The following TMTC2 variants were observed in gnomAD, a reference collection of about 807,000 sequenced individuals.
The protein encoded by TMTC2 is transmembrane O-mannosyltransferase targeting cadherins 2.
A neutral mutation model predicts 82.4 loss-of-function variants in TMTC2; 43 were observed. The observed-to-expected ratio is 0.52, with a 90% CI of 0.41 to 0.67. The LOEUF is 0.67. Ranked by LOEUF, TMTC2 falls within the 30% of genes least tolerant of loss-of-function variation. The pLI is 0.00. For synonymous variants in TMTC2, 408 were observed against 381.9 expected, an observed-to-expected ratio of 1.07 and a Z score of -0.80; for missense variants, 919 against 1,012.4, an observed-to-expected ratio of 0.91 and a Z score of 1.25.
chr12:83,025,911 C>T (rs1339803952), intron 8 of TMTC2, among the ~76,000 whole-genome samples: 1 of 152,128 alleles, frequency 6.6e-6, no homozygotes, highest in African/African-American at 2.4e-5. Context: ...GAACTTCTGC[C>T]CTGCTGGAAT....
chr12:82,761,290 T>A (rs1000468484), intron 1 of TMTC2, among the ~76,000 whole-genome samples: 1 of 152,250 alleles, frequency 6.6e-6, no homozygotes, highest in African/African-American at 2.4e-5. Context: ...TAACATGCGT[T>A]ATTACCATTC....
intron 3 of TMTC2, among the ~76,000 whole-genome samples, chr12:82,926,830 C>T (rs149909608): frequency 0.021 from 3,257 of 152,212 alleles, 57 homozygotes; most frequent in Non-Finnish European, 0.032. Context: ...ACTGGATTTC[C>T]GAGATGACAA....
chr12:83,005,085 T>A (rs1880118417), intron 8 of TMTC2, among the ~76,000 whole-genome samples: 1 of 151,696 alleles, frequency 6.6e-6, no homozygotes, highest in Non-Finnish European at 1.5e-5. Flanking sequence ...GCGCCTGTAA[T>A]CCCAGCTACT....
chr12:83,034,605 A>T (rs965019310), intron 9 of TMTC2, among the ~76,000 whole-genome samples: 3 of 152,244 alleles, frequency 2.0e-5, no homozygotes, highest in African/African-American at 4.8e-5. Flanking sequence ...TCAAGAGATG[A>T]TGGTGGTTTG....
At chr12:82,754,096 T>C (rs991198129) in intron 1 of TMTC2, among the ~76,000 whole-genome samples, 3 of 152,338 alleles carry the variant, frequency 2.0e-5, no homozygotes, top group East Asian at 1.9e-4. Flanking sequence ...AGAAATGATA[T>C]CTACTAACAT....
At chr12:82,775,463 G>A (rs973680887) in intron 1 of TMTC2, among the ~76,000 whole-genome samples, 2 of 151,692 alleles carry the variant, frequency 1.3e-5, no homozygotes, top group Middle Eastern at 3.2e-3. Context: ...GGGGGCGGGC[G>A]GGGAGAGAAA....
intron 3 of TMTC2, among the ~76,000 whole-genome samples, chr12:82,912,939 G>GAAAAA (rs71068957): frequency 7.9e-6 from 1 of 126,922 alleles, no homozygotes; most frequent in Non-Finnish European, 1.6e-5. Flanking sequence ...GACCTTGTCT[G>GAAAAA]AAAAAAAAAA....
chr12:83,038,262 A>G (rs2137435165), intron 9 of TMTC2, among the ~76,000 whole-genome samples: 1 of 152,176 alleles, frequency 6.6e-6, no homozygotes, highest in East Asian at 1.9e-4. Context: ...CGTTGTGCAC[A>G]TGTACCCTAA....
chr12:83,127,509 G>A (rs923136906), intron 11 of TMTC2, among the ~76,000 whole-genome samples: 3 of 151,842 alleles, frequency 2.0e-5, no homozygotes, highest in Non-Finnish European at 2.9e-5. Flanking sequence ...TCAACCAAAC[G>A]CTTTTCTCTT....
At chr12:83,047,585 A>G (rs988970055) in intron 9 of TMTC2, among the ~76,000 whole-genome samples, 2 of 152,152 alleles carry the variant, frequency 1.3e-5, no homozygotes, top group African/African-American at 4.8e-5. Context: ...TGGCCTGTTG[A>G]GAAGAGAATA....
At chr12:83,058,122 A>G (rs965580198) in intron 10 of TMTC2, among the ~76,000 whole-genome samples, 1 of 151,846 alleles carries the variant, frequency 6.6e-6, no homozygotes, top group South Asian at 2.1e-4. Flanking sequence ...CTTTTCTAAA[A>G]TAACACCAGG....
chr12:82,971,947 G>T (rs891621119), intron 7 of TMTC2, among the ~76,000 whole-genome samples: 1 of 152,088 alleles, frequency 6.6e-6, no homozygotes, highest in African/African-American at 2.4e-5. Context: ...GCTCTTTAGG[G>T]CCTCTCTGTA....
chr12:82,855,811 G>T (rs1005532005), intron 1 of TMTC2, among the ~76,000 whole-genome samples: 5 of 152,148 alleles, frequency 3.3e-5, no homozygotes, highest in Non-Finnish European at 7.3e-5. Flanking sequence ...TTTATTCTGA[G>T]CCATAGTTAG....
chr12:83,107,780 G>A (rs985514645), intron 11 of TMTC2, among the ~76,000 whole-genome samples: 1 of 148,820 alleles, frequency 6.7e-6, no homozygotes, highest in Non-Finnish European at 1.5e-5. Flanking sequence ...GACCCCCCGT[G>A]CCCACAAGAG....
chr12:82,813,291 C>T (rs952852009), intron 1 of TMTC2, among the ~76,000 whole-genome samples: 2 of 152,114 alleles, frequency 1.3e-5, no homozygotes, highest in Non-Finnish European at 2.9e-5. Flanking sequence ...TTTTGTCATA[C>T]TCAGTCAAAA....
At chr12:82,743,985 A>AG in intron 1 of TMTC2, among the ~76,000 whole-genome samples, 1 of 152,190 alleles carries the variant, frequency 6.6e-6, no homozygotes, top group Admixed American at 6.5e-5. Context: ...GTCAGAAAGG[A>AG]GGGGGGTGCT....
chr12:83,117,896 TTTTATTTATTTA>T (rs3069105), intron 11 of TMTC2, among the ~76,000 whole-genome samples: 22 of 148,976 alleles, frequency 1.5e-4, no homozygotes, highest in African/African-American at 4.2e-4. Context: ...TTCCTAAGTA[TTTTATTTATTTA>T]TTTATTTATT....
chr12:82,750,916 GA>G (rs918046673), intron 1 of TMTC2, among the ~76,000 whole-genome samples: 12 of 152,102 alleles, frequency 7.9e-5, no homozygotes, highest in African/African-American at 2.9e-4. Context: ...AAACTGTTAA[GA>G]AAAGTTAAAT....
At chr12:83,128,096 A>G (rs1440136165) in intron 11 of TMTC2, among the ~76,000 whole-genome samples, 1 of 152,126 alleles carries the variant, frequency 6.6e-6, no homozygotes, top group African/African-American at 2.4e-5. Flanking sequence ...GCTGCAAGCT[A>G]CTGACTGCTT....
Sources: allele counts gnomAD v4.1 joint callset (sites outside exome capture counted in the v4.1 genomes callset), GRCh38; gene constraint gnomAD v4.1.1; transcripts MANE v1.5; gene names NCBI Gene and HGNC (gene_info 2026-07-23, HGNC 2026-07-21).